DDX60: variants seen among roughly 807,000 people sequenced by gnomAD.
DDX60 encodes the protein DExD/H-box helicase 60, also known as probable ATP-dependent RNA helicase DDX60.
Under a neutral mutation model 212.8 loss-of-function variants are expected in DDX60, and 165 were observed. The ratio of observed to expected loss-of-function variants is 0.78; its 90% CI spans 0.68 to 0.88. The LOEUF is 0.88. Ranked by LOEUF, DDX60 falls within the 40% of genes least tolerant of loss-of-function variation. DDX60 has a pLI of 0.00. For missense variants in DDX60, 1,905 were observed against 2,003.9 expected, an observed-to-expected ratio of 0.95 and a Z score of 0.94; for synonymous variants, 703 against 685.3, an observed-to-expected ratio of 1.03 and a Z score of -0.40.
chr4:168,297,956 T>A (rs993678044), intron 6 of DDX60, among the ~76,000 whole-genome samples: 3 of 151,186 alleles, frequency 2.0e-5, no homozygotes, highest in African/African-American at 4.8e-5. Flanking sequence ...TTAATATTTT[T>A]AAAATAATAA....
intron 1 of DDX60, among the ~76,000 whole-genome samples, chr4:168,317,858 C>T (rs1737468298): frequency 1.3e-5 from 2 of 152,158 alleles, no homozygotes; most frequent in Non-Finnish European, 2.9e-5. Flanking sequence ...CCCCAGCCAA[C>T]AGCCAGCAAG....
At chr4:168,247,347 G>T (rs1168016335) in intron 29 of DDX60, among the ~76,000 whole-genome samples, 1 of 152,158 alleles carries the variant, frequency 6.6e-6, no homozygotes, top group Non-Finnish European at 1.5e-5. Context: ...AAATGAGTCA[G>T]AAGAATTGAT....
Position 168,252,496 on chromosome 4 carries a change from T to C in DDX60, c.3705+13A>G, listed in dbSNP as rs1734255912. ...GAAATAGTTTGGAGAACGATCAGGT[T>C]GTAAGTGCTGACCTCAGTGTCCACT... On this transcript the variant is annotated intron_variant, in intron 27 of 37. Coordinates refer to ENST00000393743, the MANE Select transcript of DDX60 (RefSeq NM_017631.6). The C allele has an allele frequency of 6.2e-7, 1 of 1,612,780 alleles. No homozygotes were observed.
intron 33 of DDX60, among the ~76,000 whole-genome samples, chr4:168,233,725 T>C (rs750221384): frequency 5.3e-5 from 8 of 151,672 alleles, no homozygotes; most frequent in Admixed American, 3.9e-4. Context: ...GTGTGAGGGG[T>C]GAGGAATAAA....
At chr4:168,240,917 C>T (rs1469237627) in intron 30 of DDX60, among the ~76,000 whole-genome samples, 3 of 152,174 alleles carry the variant, frequency 2.0e-5, no homozygotes, top group Admixed American at 6.5e-5. Context: ...GCTGTGTACC[C>T]ACCCAAATCT....
intron 27 of DDX60, 59 bp from the exon 28 acceptor site, chr4:168,251,165 C>T (rs560415473): frequency 1.3e-6 from 2 of 1,484,192 alleles, no homozygotes; most frequent in South Asian, 1.3e-5. Flanking sequence ...TTAAAAATGT[C>T]TAAATGAAAA....
intron 12 of DDX60, 56 bp from the exon 13 acceptor site, chr4:168,283,662 C>G (rs1167650106): frequency 1.1e-5 from 14 of 1,302,916 alleles, no homozygotes. Context: ...ATAGCATTCT[C>G]ATCAATTCTT....
chr4:168,222,032 TGG>T, intron 35 of DDX60, 151 bp from the exon 36 acceptor site: 1 of 777,792 alleles, frequency 1.3e-6, no homozygotes. Flanking sequence ...CCACACATTG[TGG>T]TAGCACCATC....
intron 14 of DDX60, among the ~76,000 whole-genome samples, chr4:168,279,589 T>TTATG (rs780312209): frequency 3.9e-5 from 6 of 152,206 alleles, no homozygotes; most frequent in Non-Finnish European, 5.9e-5. Context: ...CTGGAAGAAT[T>TTATG]TATGGAGTAA....
intron 6 of DDX60, among the ~76,000 whole-genome samples, chr4:168,295,526 C>G (rs1288307679): frequency 6.6e-6 from 1 of 152,218 alleles, no homozygotes; most frequent in Admixed American, 6.5e-5. Context: ...CTGTATGTCA[C>G]TTTACATTTT....
chr4:168,321,561 C>T (rs1407033043), upstream of DDX60, among the ~76,000 whole-genome samples: 2 of 152,160 alleles, frequency 1.3e-5, no homozygotes, highest in African/African-American at 4.8e-5. Context: ...CAATTCAGCA[C>T]TTTACCATTC....
At chr4:168,293,419 T>C (rs1209117819) in intron 7 of DDX60, among the ~76,000 whole-genome samples, 1 of 152,124 alleles carries the variant, frequency 6.6e-6, no homozygotes, top group African/African-American at 2.4e-5. Flanking sequence ...ATAGGTGAAA[T>C]GGGAATACTA....
intron 28 of DDX60, among the ~76,000 whole-genome samples, chr4:168,248,985 C>G (rs1290337538): frequency 6.6e-6 from 1 of 152,156 alleles, no homozygotes. Flanking sequence ...GTCTTGAACT[C>G]CCGACCTCAG....
At chr4:168,238,071 T>C (rs914458518) in intron 30 of DDX60, among the ~76,000 whole-genome samples, 4 of 151,948 alleles carry the variant, frequency 2.6e-5, no homozygotes, top group Non-Finnish European at 5.9e-5. Flanking sequence ...TAAGTTGTTC[T>C]AGGAGTAAAA....
intron 37 of DDX60, among the ~76,000 whole-genome samples, chr4:168,219,746 G>A (rs907154428): frequency 7.9e-5 from 12 of 152,064 alleles, no homozygotes; most frequent in African/African-American, 2.9e-4. Flanking sequence ...TTAGAAAGAT[G>A]GACATTTAGG....
intron 6 of DDX60, among the ~76,000 whole-genome samples, chr4:168,299,157 C>CAAAAAA (rs1197872492): frequency 8.1e-5 from 5 of 61,934 alleles, no homozygotes; most frequent in Admixed American, 2.3e-4. Context: ...GAGACTGTCT[C>CAAAAAA]AAAAAAAAAA....
At chr4:168,285,741 T>G (rs1395247780) in intron 10 of DDX60, among the ~76,000 whole-genome samples, 5 of 143,056 alleles carry the variant, frequency 3.5e-5, no homozygotes, top group African/African-American at 1.1e-4. Flanking sequence ...GATGGGTGGG[T>G]GGATATGCAT....
chr4:168,230,578 C>A (rs748175486), intron 33 of DDX60, among the ~76,000 whole-genome samples: 1 of 152,088 alleles, frequency 6.6e-6, no homozygotes. Context: ...TAACCTGCTC[C>A]TGAATGATTA....
At chr4:168,221,584 C>G (rs1003520779) in intron 36 of DDX60, 146 bp downstream of exon 36, 1 of 825,056 alleles carries the variant, frequency 1.2e-6, no homozygotes, top group Non-Finnish European at 1.7e-6. Flanking sequence ...CCATTAGTCT[C>G]TAAAAAAAAT....
Sources: gnomAD v4.1 joint callset for allele counts (sites outside exome capture counted in the v4.1 genomes callset) on GRCh38, gnomAD v4.1.1 for gene constraint, MANE v1.5 for transcripts, NCBI Gene and HGNC (gene_info 2026-07-23, HGNC 2026-07-21) for gene names.